Variants in AK8 observed in about 807,000 individuals in gnomAD.
AK8 encodes adenylate kinase 8, also known as ATP-AMP transphosphorylase 8.
Under a neutral mutation model 54.6 loss-of-function variants are expected in AK8, and 44 were observed. The ratio of observed to expected loss-of-function variants is 0.81; its 90% CI spans 0.63 to 1.04. AK8 has a LOEUF of 1.04. AK8 is among the 50% of genes least tolerant of loss of function. The pLI, the probability that AK8 is intolerant of heterozygous loss-of-function variation, is 0.00. For synonymous variants in AK8, 239 were observed against 245.6 expected (o/e 0.97, Z 0.25); for missense variants, 555 against 613.6 (o/e 0.90, Z 1.01).
intron 5 of AK8, among the ~76,000 whole-genome samples, chr9:132,832,898 G>T (rs543836052): frequency 6.6e-6 from 1 of 152,318 alleles, no homozygotes; most frequent in South Asian, 2.1e-4. Flanking sequence ...GGGGGCTCTG[G>T]AGTGAGCCCT....
intron 11 of AK8, among the ~76,000 whole-genome samples, chr9:132,783,257 G>GC (rs1839556473): frequency 6.6e-6 from 1 of 151,716 alleles, no homozygotes; most frequent in Non-Finnish European, 1.5e-5. Context: ...GGGGTTGTGA[G>GC]CCAAGGAATG....
intron 5 of AK8, among the ~76,000 whole-genome samples, chr9:132,846,539 GAATGAAT>G (rs1396249292): frequency 9.6e-6 from 1 of 103,774 alleles, no homozygotes; most frequent in Middle Eastern, 4.8e-3. Flanking sequence ...ATGAATGAAT[GAATGAAT>G]GAATGAGTAC....
intron 11 of AK8, among the ~76,000 whole-genome samples, chr9:132,789,806 C>T (rs1381603947): frequency 6.6e-6 from 1 of 151,978 alleles, no homozygotes; most frequent in Non-Finnish European, 1.5e-5. Context: ...CATCTTTGAG[C>T]CACCAATGCT....
At chr9:132,798,927 C>A (rs1197004879) in intron 10 of AK8, among the ~76,000 whole-genome samples, 1 of 152,168 alleles carries the variant, frequency 6.6e-6, no homozygotes, top group African/African-American at 2.4e-5. Context: ...GTCTAAAGGC[C>A]CAGGATCCCA....
chr9:132,815,524 G>C (rs551153650), intron 9 of AK8, among the ~76,000 whole-genome samples: 1 of 152,026 alleles, frequency 6.6e-6, no homozygotes, highest in South Asian at 2.1e-4. Flanking sequence ...CTGCGCTCCA[G>C]TCTGGGCAAC....
At chr9:132,874,110 A>G (rs965378561) in intron 2 of AK8, among the ~76,000 whole-genome samples, 2 of 152,168 alleles carry the variant, frequency 1.3e-5, no homozygotes, top group Non-Finnish European at 2.9e-5. Flanking sequence ...CTAGTGAATC[A>G]GCCATTTGCA....
intron 2 of AK8, among the ~76,000 whole-genome samples, chr9:132,872,956 C>T (rs192586100): frequency 2.6e-5 from 4 of 152,168 alleles, no homozygotes; most frequent in Non-Finnish European, 2.9e-5. Context: ...GGACTACAGG[C>T]GCCCGCCACC....
At position 132,727,492 on chromosome 9, in the gene AK8, C is replaced by T; in HGVS notation, c.1164G>A (p.Arg388=). Residue 388 remains arginine, a synonymous_variant, in exon 12 of 13, where the codon CGG becomes CGA. Coordinates refer to ENST00000298545, the MANE Select transcript of AK8 (RefSeq NM_152572.3). ...CTGGATCAATTCTTCTCAGAGTCAG[C>T]CGCTCCATGATGGAATCAAATGGCA... ...LNVPFDSIME[R]LTLRRIDPVT... 1.9e-6 allele frequency: 3 copies of T among 1,614,048 alleles called. No homozygotes were observed. Among genetic ancestry groups the T allele is most frequent in the Non-Finnish European group, 1.7e-6 (2 of 1,179,954 alleles).
intron 8 of AK8, 92 bp from the exon 9 acceptor site, chr9:132,823,428 G>A: frequency 1.9e-6 from 3 of 1,539,712 alleles, no homozygotes; most frequent in South Asian, 1.1e-5. Flanking sequence ...TTTAACGGCA[G>A]TAACTCTTTT....
chr9:132,872,805 T>G (rs1226348588), intron 2 of AK8, among the ~76,000 whole-genome samples: 3 of 152,112 alleles, frequency 2.0e-5, no homozygotes, highest in South Asian at 2.1e-4. Flanking sequence ...GGTTAATTTT[T>G]GTATTTTTGT....
rs959732751 is a variant in AK8, at chr9:132,854,606, T to C, written c.402+251A>G. Among the ~76,000 whole-genome samples the C allele has an allele frequency of 1.5e-4, 23 of 152,372 alleles. No homozygotes were observed. The East Asian group carries it at 3.3e-3, about 22-fold the overall frequency. On this transcript the variant is annotated intron_variant, in intron 5 of 12. Transcript: ENST00000298545. Reference sequence around the variant, plus strand: ...CTGCGATTGTCCTGTCATTAAATGCTTTCCTGTGACCCCTCTGGATGGGCC... The same window carrying C: ...CTGCGATTGTCCTGTCATTAAATGCCTTCCTGTGACCCCTCTGGATGGGCC...
intron 10 of AK8, among the ~76,000 whole-genome samples, chr9:132,801,220 G>C (rs1158093352): frequency 6.6e-6 from 1 of 152,102 alleles, no homozygotes; most frequent in Non-Finnish European, 1.5e-5. Context: ...GAGCCACCAC[G>C]CCTGGCCAGT....
At chr9:132,823,101 C>T (rs1841718052) in intron 9 of AK8, 104 bp downstream of exon 9, 2 of 1,448,306 alleles carry the variant, frequency 1.4e-6, no homozygotes, top group Admixed American at 5.0e-5. Flanking sequence ...GATACTGACC[C>T]TTCCCCCCCA....
intron 5 of AK8, among the ~76,000 whole-genome samples, chr9:132,831,195 T>C (rs953300396): frequency 2.0e-5 from 3 of 152,238 alleles, no homozygotes; most frequent in East Asian, 1.9e-4. Flanking sequence ...CTCCCTTCTT[T>C]TTTTTTTCAA....
In AK8 at chr9:132,826,298, C is replaced by T. The variant is rs1209684190; in HGVS notation, c.757+556G>A. 6.6e-6 allele frequency among the ~76,000 whole-genome samples: 1 copy of T among 152,154 alleles called. No individual in the cohort carries two copies. Among genetic ancestry groups the T allele is most frequent in the East Asian group, 1.9e-4 (1 of 5,194 alleles). The stretch of plus-strand genomic sequence containing the variant: ...AACAGGTTGCTCAGCTCAGCCATCC[C>T]CGCACCTCGCACAGGCTGCCCGCAG... On this transcript the variant is annotated intron_variant, in intron 8 of 12. Transcript: ENST00000298545. This position sits in a 1 kb window ranked among gnomAD's most constrained non-coding sequence, Gnocchi z 4.5.
chr9:132,736,125 T>C (rs1447671171), intron 11 of AK8, among the ~76,000 whole-genome samples: 7 of 151,796 alleles, frequency 4.6e-5, no homozygotes, highest in Non-Finnish European at 8.8e-5. Context: ...GTGTGGTCTG[T>C]CATTGACCAA....
chr9:132,736,433 C>T (rs1837116350), intron 11 of AK8, among the ~76,000 whole-genome samples: 2 of 151,484 alleles, frequency 1.3e-5, no homozygotes, highest in South Asian at 4.2e-4. Context: ...GGTGATCCGC[C>T]CACCTCGGCC....
chr9:132,760,980 T>C (rs898366895), intron 11 of AK8, among the ~76,000 whole-genome samples: 4 of 152,150 alleles, frequency 2.6e-5, no homozygotes, highest in African/African-American at 7.2e-5. Flanking sequence ...ACGAATAACA[T>C]TGGCCTGTAA....
chr9:132,823,293 G>T lies in AK8; in HGVS notation c.801C>A (p.Phe267Leu), dbSNP rs1277049073. Residue 267 changes from phenylalanine (F) to leucine (L), a missense_variant, in exon 9 of 13, where the codon TTC becomes TTA. Physicochemically the swap from Phe to Leu is conservative, Grantham distance 22. Coordinates refer to ENST00000298545, the MANE Select transcript of AK8 (RefSeq NM_152572.3). ...VQSNHRTNAPFTPRVLLLGPV... is the reference protein window; with the variant it reads ...VQSNHRTNAPLTPRVLLLGPV... ...GCCCGAGCAGCAGCACCCTCGGGGTGAACGGGGCATTAGTACGATGGTTGC... is the reference window on the plus strand; with the variant it reads ...GCCCGAGCAGCAGCACCCTCGGGGTTAACGGGGCATTAGTACGATGGTTGC... 2 of 1,613,722 alleles carry T rather than the reference G, an allele frequency of 1.2e-6. No homozygotes were observed.
Sources: gnomAD v4.1 joint callset for allele counts (sites outside exome capture counted in the v4.1 genomes callset) on GRCh38, gnomAD v4.1.1 for gene constraint, Gnocchi (gnomAD v3.1) non-coding constraint, MANE v1.5 for transcripts, NCBI Gene and HGNC (gene_info 2026-07-23, HGNC 2026-07-21) for gene names.